The following CARM1 variants were observed in gnomAD, a reference collection of about 807,000 sequenced individuals.
The protein encoded by CARM1 is coactivator associated arginine methyltransferase 1.
Under a neutral mutation model 72.7 loss-of-function variants are expected in CARM1, and 14 were observed. The observed-to-expected ratio is 0.19, with a 90% CI of 0.13 to 0.30. CARM1 has a LOEUF of 0.30. CARM1 is among the 10% of genes least tolerant of loss of function. CARM1 has a pLI of 1.00. For synonymous variants in CARM1, 333 were observed against 345.5 expected (o/e 0.96, Z 0.40); for missense variants, 432 against 833.7 (o/e 0.52, Z 5.93).
chr19:10,872,753 A>C (rs933978360), intron 1 of CARM1, among the ~76,000 whole-genome samples: 2 of 151,250 alleles, frequency 1.3e-5, no homozygotes, highest in African/African-American at 2.4e-5. Flanking sequence ...TTTGTAGTTC[A>C]TTCTTCTTCT....
At chr19:10,910,231 C>T (rs2074138088) in intron 4 of CARM1, among the ~76,000 whole-genome samples, 1 of 152,174 alleles carries the variant, frequency 6.6e-6, no homozygotes. Flanking sequence ...AATCCCAGCA[C>T]TTTGGGAGGC....
chr19:10,894,552 G>A (rs1038115129), intron 1 of CARM1, among the ~76,000 whole-genome samples: 13 of 152,094 alleles, frequency 8.5e-5, no homozygotes, highest in African/African-American at 3.1e-4. Flanking sequence ...GGCTTCTACA[G>A]CTACCAGCTA....
chr19:10,910,891 G>A (rs780650461), intron 4 of CARM1, among the ~76,000 whole-genome samples: 2 of 150,866 alleles, frequency 1.3e-5, no homozygotes, highest in African/African-American at 4.9e-5. Context: ...TTCTCTTTCT[G>A]TTTTTGGGGG....
chr19:10,873,021 C>T (rs2073832136), intron 1 of CARM1, among the ~76,000 whole-genome samples: 1 of 152,148 alleles, frequency 6.6e-6, no homozygotes, highest in Admixed American at 6.6e-5. Context: ...GGAGTTGTGT[C>T]TGCTGTCCGA....
intron 1 of CARM1, among the ~76,000 whole-genome samples, chr19:10,888,357 A>C (rs1437238589): frequency 6.6e-6 from 1 of 152,086 alleles, no homozygotes; most frequent in African/African-American, 2.4e-5. Context: ...CTGTCTTTGG[A>C]CCAGCTTCTG....
intron 1 of CARM1, among the ~76,000 whole-genome samples, chr19:10,900,774 C>T (rs1425511315): frequency 6.6e-6 from 1 of 152,110 alleles, no homozygotes; most frequent in African/African-American, 2.4e-5. Flanking sequence ...AGCTCCGCCT[C>T]CCAGGTTCCT....
intron 1 of CARM1, among the ~76,000 whole-genome samples, chr19:10,882,470 G>GCTGGA (rs2073908822): frequency 6.6e-6 from 1 of 151,814 alleles, no homozygotes; most frequent in East Asian, 1.9e-4. Flanking sequence ...GACATCTGTG[G>GCTGGA]CTGGACTGTA....
In CARM1 at chr19:10,921,882, T is replaced by A; in HGVS notation, c.*125T>A. 1.1e-6 allele frequency: 1 copy of A among 950,494 alleles called. No homozygotes were observed. Among genetic ancestry groups the A allele is most frequent in the South Asian group, 1.7e-5 (1 of 59,940 alleles). The allele number at this position is 950,494 out of a possible 1,614,324, so 58.9% of individuals were successfully genotyped here. A position where few individuals can be genotyped will look rare whatever the true frequency, so the allele number is the denominator to read the frequency against. ...CACCCGGTCACAGCTCTCTTTGCTA[T>A]GGGAACTGGGACACTTTTTTACACG... On this transcript the variant is annotated 3_prime_UTR_variant, in exon 16 of 16. Transcript: ENST00000327064.
chr19:10,873,036 G>A (rs769440107), intron 1 of CARM1, among the ~76,000 whole-genome samples: 2 of 152,178 alleles, frequency 1.3e-5, no homozygotes, highest in African/African-American at 4.8e-5. Flanking sequence ...GTCCGAGGGT[G>A]CCGTCTCTTT....
At position 10,896,973 on chromosome 19, in the gene CARM1, T is replaced by C. The variant is rs144873858; in HGVS notation, c.221-7978T>C. Among the ~76,000 whole-genome samples the C allele has an allele frequency of 5.6e-4, 86 of 152,342 alleles. 1 individual carries two copies. Among genetic ancestry groups the C allele is most frequent in the African/African-American group, 1.7e-3 (71 of 41,568 alleles). On this transcript the variant is annotated intron_variant, in intron 1 of 15. Transcript: ENST00000327064. The surrounding 1 kb of genome is among the most constrained non-coding windows in gnomAD (Gnocchi z 5.2). ...AAGCTTTATGGGCACACAGCCATGC[T>C]CATTTGTTTACATATTGTCTGCTGC... is the stretch of plus-strand genomic sequence containing the variant.
chr19:10,884,798 G>T (rs562362030), intron 1 of CARM1, among the ~76,000 whole-genome samples: 1 of 152,196 alleles, frequency 6.6e-6, no homozygotes, highest in South Asian at 2.1e-4. Flanking sequence ...TCCGCCTCCC[G>T]GGTTCAAGCG....
At position 10,916,402 on chromosome 19, in the gene CARM1, C is replaced by A; in HGVS notation, c.848-5C>A. On this transcript the variant is annotated splice_region_variant and splice_polypyrimidine_tract_variant and intron_variant, in intron 6 of 15. Coordinates refer to ENST00000327064, the MANE Select transcript of CARM1 (RefSeq NM_199141.2). This position sits in a 1 kb window ranked among gnomAD's most constrained non-coding sequence, Gnocchi z 4.4. ...CGCCAGCACCCCTCCCTGCCCCACTCCCAGGAAACATGTTTCCTACCATTG... is the reference window on the plus strand; with the variant it reads ...CGCCAGCACCCCTCCCTGCCCCACTACCAGGAAACATGTTTCCTACCATTG... The A allele has an allele frequency of 6.2e-7, 1 of 1,606,304 alleles. No homozygotes were observed. The highest frequency in any genetic ancestry group is 8.5e-7 in the Non-Finnish European group (1 of 1,173,198).
intron 1 of CARM1, among the ~76,000 whole-genome samples, chr19:10,895,512 G>A (rs1201083097): frequency 6.6e-6 from 1 of 152,240 alleles, no homozygotes; most frequent in Non-Finnish European, 1.5e-5. Flanking sequence ...GAAGCAAGGG[G>A]GAGGGGAAGG....
chr19:10,913,109 ACTCT>A (rs749701608), intron 5 of CARM1, among the ~76,000 whole-genome samples: 2 of 140,666 alleles, frequency 1.4e-5, no homozygotes, highest in Admixed American at 7.0e-5. Context: ...GTCACAGTGA[ACTCT>A]CTTTTTTTTT....
chr19:10,888,530 C>G (rs1207662818), intron 1 of CARM1, among the ~76,000 whole-genome samples: 6 of 152,310 alleles, frequency 3.9e-5, no homozygotes, highest in African/African-American at 9.6e-5. Context: ...ATCACAGCTT[C>G]AAAGTCTTGG....
chr19:10,909,269 C>T, intron 4 of CARM1, 62 bp downstream of exon 4: 4 of 1,040,902 alleles, frequency 3.8e-6, no homozygotes, highest in Non-Finnish European at 5.9e-6. Flanking sequence ...TTTCTTTGCT[C>T]ATTGATTTTA....
At chr19:10,874,964 C>CA (rs1429175426) in intron 1 of CARM1, among the ~76,000 whole-genome samples, 2 of 149,822 alleles carry the variant, frequency 1.3e-5, no homozygotes, top group Non-Finnish European at 2.9e-5. Flanking sequence ...GCAGAGGTTA[C>CA]AGTGAGCTGA....
intron 15 of CARM1, 36 bp from the exon 16 acceptor site, chr19:10,921,579 C>A (rs2074251156): frequency 6.3e-7 from 1 of 1,591,482 alleles, no homozygotes; most frequent in African/African-American, 1.3e-5. Context: ...CTGGGCGGGC[C>A]AGGGCAGCCC....
chr19:10,887,148 C>T (rs2073948204), intron 1 of CARM1, among the ~76,000 whole-genome samples: 1 of 152,248 alleles, frequency 6.6e-6, no homozygotes, highest in South Asian at 2.1e-4. Context: ...TGGCCATCAG[C>T]CCTGCAGCCC....
Sources: allele counts gnomAD v4.1 joint callset (sites outside exome capture counted in the v4.1 genomes callset), GRCh38; gene constraint gnomAD v4.1.1; non-coding constraint Gnocchi (gnomAD v3.1); transcripts MANE v1.5; gene names NCBI Gene and HGNC (gene_info 2026-07-23, HGNC 2026-07-21).